SNTG1: variants seen among roughly 807,000 people sequenced by gnomAD.
SNTG1 encodes syntrophin gamma 1, also known as gamma-1-syntrophin.
Under a neutral mutation model 74.7 loss-of-function variants are expected in SNTG1, and 39 were observed. That is an observed-to-expected ratio of 0.52 (90% CI 0.40 to 0.68). The LOEUF is 0.68. Among genes scored for constraint, SNTG1 ranks in the 30% least tolerant of loss-of-function variants. The pLI, the probability that SNTG1 is intolerant of heterozygous loss-of-function variation, is 0.00. For synonymous variants in SNTG1, 254 were observed against 217.1 expected, an observed-to-expected ratio of 1.17 and a Z score of -1.49; for missense variants, 685 against 609.5, an observed-to-expected ratio of 1.12 and a Z score of -1.30.
At chr8:50,262,369 C>A (rs2130120725) in intron 2 of SNTG1, among the ~76,000 whole-genome samples, 1 of 152,176 alleles carries the variant, frequency 6.6e-6, no homozygotes, top group East Asian at 1.9e-4. Flanking sequence ...CAATTATAAA[C>A]AGTAAATCAA....
chr8:50,382,265 C>T (rs2092500243), intron 2 of SNTG1: 1 of 151,966 alleles, frequency 6.6e-6, no homozygotes, highest in Non-Finnish European at 1.5e-5. Context: ...AATAAACCAG[C>T]TACAAATGAA....
chr8:50,602,294 CA>C (rs2094780665), intron 13 of SNTG1, among the ~76,000 whole-genome samples: 1 of 151,698 alleles, frequency 6.6e-6, no homozygotes, highest in South Asian at 2.1e-4. Flanking sequence ...GTATGGTTTT[CA>C]ATTTGAGGTT....
intron 13 of SNTG1, among the ~76,000 whole-genome samples, chr8:50,595,407 G>T (rs2094720734): frequency 6.6e-6 from 1 of 152,010 alleles, no homozygotes; most frequent in Non-Finnish European, 1.5e-5. Flanking sequence ...GGAAAAAGAG[G>T]TGTAAATGTT....
chr8:50,302,593 A>G (rs1190340303), intron 2 of SNTG1, among the ~76,000 whole-genome samples: 1 of 152,142 alleles, frequency 6.6e-6, no homozygotes, highest in Non-Finnish European at 1.5e-5. Context: ...TTATTAATGG[A>G]TTTAATTTAA....
rs539970873 is a variant in SNTG1, at chr8:50,056,435, A to T, written c.-102-116126A>T. Among the ~76,000 whole-genome samples, 3 of 152,248 alleles carry T rather than the reference A, an allele frequency of 2.0e-5. No homozygotes were observed. In the South Asian group the frequency reaches 6.2e-4, roughly 32 times the overall value. Reference sequence around the variant, plus strand: ...ATTTCTTTTATTTTTTAAAGCAAACATCCATGCCAGACATATGACACAGCA... The same window carrying T: ...ATTTCTTTTATTTTTTAAAGCAAACTTCCATGCCAGACATATGACACAGCA... On this transcript the variant is annotated intron_variant, in intron 1 of 18. Transcript: ENST00000642720.
intron 1 of SNTG1, among the ~76,000 whole-genome samples, chr8:50,096,162 A>G (rs1461303457): frequency 4.6e-5 from 7 of 152,182 alleles, no homozygotes; most frequent in Non-Finnish European, 1.0e-4. Context: ...GCAAATCCCA[A>G]GACTAGGATT....
chr8:50,183,308 T>G (rs999209906), intron 2 of SNTG1, among the ~76,000 whole-genome samples: 8 of 152,178 alleles, frequency 5.3e-5, no homozygotes, highest in African/African-American at 1.9e-4. Flanking sequence ...CACCCTGGCT[T>G]TCAGTGCTAT....
intron 2 of SNTG1, among the ~76,000 whole-genome samples, chr8:50,184,173 T>C (rs1016733842): frequency 1.3e-5 from 2 of 152,144 alleles, no homozygotes; most frequent in Admixed American, 1.3e-4. Context: ...TTATTATTAT[T>C]ATTATTTTTT....
At chr8:50,283,869 A>G (rs996547558) in intron 2 of SNTG1, among the ~76,000 whole-genome samples, 3 of 152,168 alleles carry the variant, frequency 2.0e-5, no homozygotes, top group African/African-American at 7.2e-5. Flanking sequence ...AACTTAAAAT[A>G]TATTATGGAG....
At chr8:50,753,018 G>A (rs945715768) in intron 18 of SNTG1, among the ~76,000 whole-genome samples, 12 of 151,914 alleles carry the variant, frequency 7.9e-5, no homozygotes, top group Admixed American at 4.6e-4. Flanking sequence ...GAACTGTGTC[G>A]TTCCTACAGC....
intron 1 of SNTG1, among the ~76,000 whole-genome samples, chr8:50,137,276 G>A (rs1468791632): frequency 6.6e-6 from 1 of 152,170 alleles, no homozygotes; most frequent in East Asian, 1.9e-4. Flanking sequence ...GCATAACACA[G>A]AACAGTGCTT....
intron 15 of SNTG1, among the ~76,000 whole-genome samples, chr8:50,660,687 T>A (rs1282552077): frequency 1.3e-5 from 2 of 152,224 alleles, no homozygotes; most frequent in Non-Finnish European, 2.9e-5. Flanking sequence ...AGCTGCATGA[T>A]CTTTTAAATC....
upstream of SNTG1, chr8:49,910,758 C>A (rs1375802817): frequency 6.6e-6 from 1 of 152,144 alleles, no homozygotes; most frequent in African/African-American, 2.4e-5. Flanking sequence ...GGCTGAAAAG[C>A]CAACAAAAAA....
intron 18 of SNTG1, among the ~76,000 whole-genome samples, chr8:50,781,260 G>A (rs1309772741): frequency 2.0e-5 from 3 of 152,128 alleles, no homozygotes; most frequent in Non-Finnish European, 4.4e-5. Context: ...GGGTATCCTT[G>A]TTAACTTTCT....
At chr8:50,075,075 A>G (rs752695954) in intron 1 of SNTG1, among the ~76,000 whole-genome samples, 2 of 151,954 alleles carry the variant, frequency 1.3e-5, no homozygotes, top group African/African-American at 2.4e-5. Context: ...CCATATTTTC[A>G]CCAGGCCTCA....
At chr8:50,605,867 A>G (rs966264622) in intron 13 of SNTG1, among the ~76,000 whole-genome samples, 2 of 152,182 alleles carry the variant, frequency 1.3e-5, no homozygotes, top group Admixed American at 6.5e-5. Context: ...ACACAAAAAT[A>G]AAATAAAAAC....
chr8:50,031,161 T>C (rs1817710955), intron 1 of SNTG1, among the ~76,000 whole-genome samples: 1 of 152,074 alleles, frequency 6.6e-6, no homozygotes, highest in Non-Finnish European at 1.5e-5. Flanking sequence ...AGTTTTTTTC[T>C]TACAGATTTT....
intron 4 of SNTG1, among the ~76,000 whole-genome samples, chr8:50,434,574 C>T (rs970038988): frequency 9.2e-5 from 14 of 152,214 alleles, no homozygotes; most frequent in Non-Finnish European, 1.6e-4. Flanking sequence ...TTTGAATGAT[C>T]GCCATTCTAA....
At chr8:49,986,219 T>A (rs941535049) in intron 1 of SNTG1, among the ~76,000 whole-genome samples, 1 of 152,090 alleles carries the variant, frequency 6.6e-6, no homozygotes, top group African/African-American at 2.4e-5. Context: ...ACTGCAATAA[T>A]CTGAATTTCT....
Sources: allele counts gnomAD v4.1 joint callset (sites outside exome capture counted in the v4.1 genomes callset), GRCh38; gene constraint gnomAD v4.1.1; transcripts MANE v1.5; gene names NCBI Gene and HGNC (gene_info 2026-07-23, HGNC 2026-07-21).